STAU2: variants seen among roughly 807,000 people sequenced by gnomAD.
The protein encoded by STAU2 is staufen double-stranded RNA binding protein 2.
In STAU2, 20 loss-of-function variants were observed where a neutral mutation model predicts 65.9. That is an observed-to-expected ratio of 0.30 (90% CI 0.21 to 0.44). The LOEUF is 0.44. STAU2 is among the 20% of genes least tolerant of loss of function. The pLI is 1.00. For missense variants in STAU2, 558 were observed against 683.9 expected (o/e 0.82, Z 2.05); for synonymous variants, 232 against 233.9 (o/e 0.99, Z 0.07).
intron 14 of STAU2, 146 bp from the exon 15 acceptor site, chr8:73,421,611 C>T: frequency 1.4e-6 from 1 of 702,656 alleles, no homozygotes; most frequent in Non-Finnish European, 2.3e-6. Context: ...TTCAGATAGT[C>T]TACTGATGAG....
intron 13 of STAU2, among the ~76,000 whole-genome samples, chr8:73,463,820 G>A (rs1054252605): frequency 6.6e-6 from 1 of 152,170 alleles, no homozygotes; most frequent in African/African-American, 2.4e-5. Context: ...TATGCAGGAC[G>A]AGATAAGGAC....
In STAU2 at chr8:73,524,768, T is replaced by TA. The variant is rs546172284; in HGVS notation, c.1530+27243dup. Among the ~76,000 whole-genome samples, 61 of 152,308 alleles carry TA rather than the reference T, an allele frequency of 4.0e-4. 1 individual carries two copies. The highest frequency in any genetic ancestry group is 6.8e-3 in the Middle Eastern group (2 of 294). Reference sequence around the variant, plus strand: ...CCAAATGGATTATGAATAGAAACTTTAAAAAAATGATTACAATTTTTCTTG... The same window carrying TA: ...CCAAATGGATTATGAATAGAAACTTTAAAAAAAATGATTACAATTTTTCTTG... On this transcript the variant is annotated intron_variant, in intron 13 of 14. Coordinates refer to ENST00000524300, the MANE Select transcript of STAU2 (RefSeq NM_001164380.2).
intron 6 of STAU2, chr8:73,651,578 C>T: frequency 6.1e-6 from 5 of 813,854 alleles, no homozygotes; most frequent in Non-Finnish European, 1.0e-5. Flanking sequence ...GGCACCCCTG[C>T]CTGGGCCCCA....
At chr8:73,746,881 C>G (rs1372527981), upstream of STAU2, 3 of 1,166,436 alleles carry the variant, frequency 2.6e-6, no homozygotes, top group South Asian at 4.2e-5. Context: ...CCTCGGGCTC[C>G]CCGCCCCCCG....
intron 8 of STAU2, 94 bp downstream of exon 8, chr8:73,615,581 C>G: frequency 1.1e-6 from 1 of 887,608 alleles, no homozygotes; most frequent in Non-Finnish European, 1.8e-6. Context: ...CACACTAACT[C>G]TTGCAGGATA....
chr8:73,460,586 C>G (rs2128899448), intron 13 of STAU2, among the ~76,000 whole-genome samples: 1 of 152,230 alleles, frequency 6.6e-6, no homozygotes. Flanking sequence ...GCAGGGATGA[C>G]TTGTTCTCTG....
At chr8:73,695,903 C>A (rs1467342980) in intron 4 of STAU2, among the ~76,000 whole-genome samples, 1 of 152,172 alleles carries the variant, frequency 6.6e-6, no homozygotes, top group Non-Finnish European at 1.5e-5. Flanking sequence ...ATCCCTGGCT[C>A]TCAGACAGCA....
intron 12 of STAU2, among the ~76,000 whole-genome samples, chr8:73,565,208 T>A (rs546789847): frequency 1.3e-5 from 2 of 152,258 alleles, no homozygotes; most frequent in East Asian, 1.9e-4. Flanking sequence ...TGGGAGGTGA[T>A]TGAATCATGG....
At chr8:73,627,682 A>G (rs1406903537) in intron 6 of STAU2, among the ~76,000 whole-genome samples, 2 of 152,138 alleles carry the variant, frequency 1.3e-5, no homozygotes, top group African/African-American at 2.4e-5. Flanking sequence ...AATACTAAAT[A>G]GCAGCTGATA....
chr8:73,737,032 T>C (rs1806480840), intron 3 of STAU2, among the ~76,000 whole-genome samples: 1 of 151,368 alleles, frequency 6.6e-6, no homozygotes, highest in African/African-American at 2.4e-5. Context: ...GACTGGCTGA[T>C]TTTTTTGTAT....
Position 73,460,379 on chromosome 8 carries a change from C to T in STAU2, c.1531-37677G>A, listed in dbSNP as rs566502314. Among the ~76,000 whole-genome samples, 3 of 152,278 alleles carry T rather than the reference C, an allele frequency of 2.0e-5. No individual in the cohort carries two copies. The South Asian group carries it at 6.2e-4, about 32-fold the overall frequency. On this transcript the variant is annotated intron_variant, in intron 13 of 14. Transcript: ENST00000524300. ...AAATTACTGATTCAATACTTGGGGG[C>T]TCTTAATTCTTGTTAAACATGTATG...
chr8:73,502,190 T>A (rs1454497448), intron 13 of STAU2, among the ~76,000 whole-genome samples: 1 of 152,006 alleles, frequency 6.6e-6, no homozygotes, highest in Non-Finnish European at 1.5e-5. Flanking sequence ...AAATAAAAAA[T>A]TATTGATTTG....
intron 12 of STAU2, among the ~76,000 whole-genome samples, chr8:73,578,613 T>C (rs1033049457): frequency 4.6e-5 from 7 of 152,202 alleles, no homozygotes; most frequent in African/African-American, 1.7e-4. Flanking sequence ...TTGCTCCCAA[T>C]TGCTTCAGAT....
At chr8:73,606,714 C>A (rs986597398) in intron 9 of STAU2, among the ~76,000 whole-genome samples, 2 of 152,162 alleles carry the variant, frequency 1.3e-5, no homozygotes, top group Non-Finnish European at 2.9e-5. Context: ...CCAAGCCATT[C>A]CACTTTGAAG....
chr8:73,482,455 G>A (rs543748120), intron 13 of STAU2, among the ~76,000 whole-genome samples: 2 of 152,182 alleles, frequency 1.3e-5, no homozygotes, highest in East Asian at 1.9e-4. Context: ...AAAGGAAGGA[G>A]AAGAAATCCT....
chr8:73,715,572 G>GA (rs1325587047), intron 3 of STAU2, among the ~76,000 whole-genome samples: 1 of 152,000 alleles, frequency 6.6e-6, no homozygotes, highest in East Asian at 1.9e-4. Context: ...AGTATGTGGG[G>GA]AAAATGGGTG....
intron 13 of STAU2, among the ~76,000 whole-genome samples, chr8:73,486,657 A>AT (rs10616687): frequency 5.9e-4 from 80 of 136,524 alleles, no homozygotes; most frequent in African/African-American, 1.1e-3. Context: ...ATATATATAT[A>AT]TTTTTTTTTT....
intron 4 of STAU2, among the ~76,000 whole-genome samples, chr8:73,708,711 CA>C (rs944936900): frequency 3.3e-5 from 5 of 152,108 alleles, no homozygotes; most frequent in African/African-American, 1.2e-4. Context: ...CAAGTACTGG[CA>C]CTGGCACTTA....
intron 9 of STAU2, among the ~76,000 whole-genome samples, chr8:73,606,031 A>AG (rs1554548958): frequency 9.4e-5 from 14 of 148,176 alleles, no homozygotes; most frequent in Non-Finnish European, 1.7e-4. Context: ...AAAAAGAAAA[A>AG]AAAATCTTCA....
Sources: allele counts gnomAD v4.1 joint callset (sites outside exome capture counted in the v4.1 genomes callset), GRCh38; gene constraint gnomAD v4.1.1; transcripts MANE v1.5; gene names NCBI Gene and HGNC (gene_info 2026-07-23, HGNC 2026-07-21).